Variants in RCOR3 observed in about 807,000 individuals in gnomAD.
The protein encoded by RCOR3 is REST corepressor 3.
RCOR3 carries 13 observed loss-of-function variants against 64.1 expected under a neutral mutation model. The ratio of observed to expected loss-of-function variants is 0.20; its 90% CI spans 0.13 to 0.32. RCOR3 has a LOEUF of 0.32. RCOR3 is among the 10% of genes least tolerant of loss of function. The pLI is 1.00. For synonymous variants in RCOR3, 215 were observed against 239.0 expected (o/e 0.90, Z 0.93); for missense variants, 489 against 701.2 (o/e 0.70, Z 3.42).
chr1:211,280,532 G>A (rs1316295889), intron 7 of RCOR3, among the ~76,000 whole-genome samples: 1 of 152,146 alleles, frequency 6.6e-6, no homozygotes, highest in Non-Finnish European at 1.5e-5. Flanking sequence ...CTCTCTCACA[G>A]TAAGAAGGAT....
chr1:211,276,655 A>G (rs183140701), intron 5 of RCOR3, among the ~76,000 whole-genome samples: 2 of 152,320 alleles, frequency 1.3e-5, no homozygotes, highest in Admixed American at 1.3e-4. Context: ...GTAATAATAT[A>G]CATGTAATAA....
chr1:211,283,239 T>C (rs574398943), intron 7 of RCOR3, among the ~76,000 whole-genome samples: 1 of 152,268 alleles, frequency 6.6e-6, no homozygotes, highest in South Asian at 2.1e-4. Context: ...TTGTTAACAG[T>C]GATTGTGGGG....
chr1:211,289,514 G>A (rs867684710), intron 8 of RCOR3, 118 bp downstream of exon 8: 5 of 777,196 alleles, frequency 6.4e-6, no homozygotes, highest in Middle Eastern at 3.6e-4. Context: ...ACTTATGCAG[G>A]TTTCATTTTT....
At chr1:211,311,408 C>T (rs1345008291) in intron 10 of RCOR3, among the ~76,000 whole-genome samples, 1 of 152,116 alleles carries the variant, frequency 6.6e-6, no homozygotes, top group East Asian at 1.9e-4. Context: ...GTCCAGAATG[C>T]TCTTAAAGGA....
rs370082049 is a variant in RCOR3 at position 211,313,544 on chromosome 1, C to T, written c.1438C>T (p.Leu480=). Residue 480 remains leucine, a synonymous_variant, in exon 12 of 12, where the codon CTG becomes TTG. Coordinates refer to ENST00000419091, the MANE Select transcript of RCOR3 (RefSeq NM_001136223.3). The surrounding 1 kb of genome is among the most constrained non-coding windows in gnomAD (Gnocchi z 4.7). ...NQPPPLLRPT[L]PAAPALHRQP... ...GCCTCCACCACTTCTTCGTCCAACA[C>T]TGCCTGCTGCCCCGGCTCTTCACCG... 3 of 1,614,164 alleles carry T rather than the reference C, an allele frequency of 1.9e-6. No individual in the cohort carries two copies. The highest frequency in any genetic ancestry group is 2.5e-6 in the Non-Finnish European group (3 of 1,180,018).
chr1:211,284,848 A>G (rs1171399858), intron 7 of RCOR3, among the ~76,000 whole-genome samples: 1 of 152,202 alleles, frequency 6.6e-6, no homozygotes, highest in Admixed American at 6.5e-5. Context: ...ACGGAATTGA[A>G]TATCTTTTTC....
intron 3 of RCOR3, among the ~76,000 whole-genome samples, chr1:211,272,548 A>AT (rs1227244955): frequency 7.9e-6 from 1 of 126,876 alleles, no homozygotes; most frequent in African/African-American, 3.0e-5. Context: ...TTAAGTACTT[A>AT]TGTCTAGTCT....
intron 8 of RCOR3, among the ~76,000 whole-genome samples, chr1:211,291,882 G>A (rs1331088070): frequency 6.6e-6 from 1 of 152,146 alleles, no homozygotes; most frequent in African/African-American, 2.4e-5. Flanking sequence ...ACTTTGGGAG[G>A]CCAAGACAGG....
chr1:211,260,323 C>T (rs919971431), intron 2 of RCOR3, among the ~76,000 whole-genome samples, 159 bp downstream of exon 2: 1 of 152,176 alleles, frequency 6.6e-6, no homozygotes, highest in Non-Finnish European at 1.5e-5. Flanking sequence ...CGGGCTGTGA[C>T]ACTGGGCGTG....
intron 6 of RCOR3, 43 bp downstream of exon 6, chr1:211,278,284 G>A (rs1042108260): frequency 1.3e-6 from 2 of 1,590,298 alleles, no homozygotes; most frequent in African/African-American, 1.4e-5. Context: ...TAGGGACACT[G>A]CATTGTATTG....
chr1:211,288,917 C>T (rs1698906610), intron 7 of RCOR3, among the ~76,000 whole-genome samples: 1 of 152,032 alleles, frequency 6.6e-6, no homozygotes. Flanking sequence ...TATTTTTTCA[C>T]TTATTCCTAG....
At chr1:211,271,201 C>T in intron 2 of RCOR3, 31 bp from the exon 3 acceptor site, 1 of 1,576,740 alleles carries the variant, frequency 6.3e-7, no homozygotes, top group Non-Finnish European at 8.7e-7. Flanking sequence ...TAAAATCCAT[C>T]ATATTCAAAG....
rs1259896111 is a variant in RCOR3, at chr1:211,268,379, T to C, written c.224-2853T>C. On this transcript the variant is annotated intron_variant, in intron 2 of 11. Coordinates refer to ENST00000419091, the MANE Select transcript of RCOR3 (RefSeq NM_001136223.3). ...AAGTTTCTTTTCTTTCTTTTTTTTT[T>C]TTTTTTTTTTTTTTTTTGAGATGGA... is the stretch of plus-strand genomic sequence containing the variant. 2.6e-4 allele frequency among the ~76,000 whole-genome samples: 36 copies of C among 137,972 alleles called. 1 individual carries two copies. Among genetic ancestry groups the C allele is most frequent in the South Asian group, 7.3e-4 (3 of 4,106 alleles). The allele number at this position is 137,972 out of a possible 152,430, so 90.5% of individuals were successfully genotyped here. A position where few individuals can be genotyped will look rare whatever the true frequency, so the allele number is the denominator to read the frequency against.
rs140075747 is a variant in RCOR3 at position 211,286,215 on chromosome 1, C to T, written c.721-2963C>T. Among the ~76,000 whole-genome samples, 1,345 of 152,074 alleles carry T rather than the reference C, an allele frequency of 8.8e-3. 11 individuals carry two copies. The highest frequency in any genetic ancestry group is 0.012 in the Non-Finnish European group (820 of 67,986). The stretch of plus-strand genomic sequence containing the variant: ...CAACTTGCTTTTCCTAGTCTTCTTT[C>T]CCTTCATTCGTGTCCTATTTTTGGG... On this transcript the variant is annotated intron_variant, in intron 7 of 11. Transcript: ENST00000419091.
At position 211,259,942 on chromosome 1, in the gene RCOR3, C is replaced by T; in HGVS notation, c.167-166C>T. Reference sequence around the variant, plus strand: ...CGCCTTTGCCCCCCCCCGCTCCCCGCCCCCAATCCGCTGCCATCTCCCGGA... The same window carrying T: ...CGCCTTTGCCCCCCCCCGCTCCCCGTCCCCAATCCGCTGCCATCTCCCGGA... On this transcript the variant is annotated intron_variant, in intron 1 of 11. Coordinates refer to ENST00000419091, the MANE Select transcript of RCOR3 (RefSeq NM_001136223.3). 3.7e-6 allele frequency: 5 copies of T among 1,357,046 alleles called. No homozygotes were observed. In the South Asian group the frequency reaches 8.5e-5, roughly 23 times the overall value. The allele number at this position is 1,357,046 out of a possible 1,614,324, so 84.1% of individuals were successfully genotyped here.
At chr1:211,311,241 T>C (rs1701456814) in intron 10 of RCOR3, among the ~76,000 whole-genome samples, 1 of 152,146 alleles carries the variant, frequency 6.6e-6, no homozygotes, top group Admixed American at 6.5e-5. Context: ...AATTCATTTA[T>C]GCTGATAAAA....
At chr1:211,300,172 G>C (rs966748347) in intron 9 of RCOR3, among the ~76,000 whole-genome samples, 3 of 150,382 alleles carry the variant, frequency 2.0e-5, no homozygotes, top group African/African-American at 7.3e-5. Context: ...CTGGGCTCAG[G>C]TGACTCTCCC....
rs1461756406 is a variant in RCOR3 at position 211,314,688 on chromosome 1, A to G, written c.*920A>G. ...GAGAAGAATTATATTTTGTTAGTTA[A>G]GTAGACACAGTGGTTATGGAAGCAT... On this transcript the variant is annotated 3_prime_UTR_variant, in exon 12 of 12. Coordinates refer to ENST00000419091, the MANE Select transcript of RCOR3 (RefSeq NM_001136223.3). The G allele has an allele frequency of 6.6e-6, 1 of 152,198 alleles. No individual in the cohort carries two copies. Among genetic ancestry groups the G allele is most frequent in the Non-Finnish European group, 1.5e-5 (1 of 68,002 alleles). 9.4% of individuals were successfully genotyped at this position (152,198 alleles called of 1,614,324 possible). A position where few individuals can be genotyped will look rare whatever the true frequency, so the allele number is the denominator to read the frequency against.
At chr1:211,283,411 T>C (rs913690539) in intron 7 of RCOR3, among the ~76,000 whole-genome samples, 3 of 152,238 alleles carry the variant, frequency 2.0e-5, no homozygotes, top group Admixed American at 6.5e-5. Flanking sequence ...CACATTAAAC[T>C]TTCCTAGGTA....
Sources: allele counts gnomAD v4.1 joint callset (sites outside exome capture counted in the v4.1 genomes callset), GRCh38; gene constraint gnomAD v4.1.1; non-coding constraint Gnocchi (gnomAD v3.1); transcripts MANE v1.5; gene names NCBI Gene and HGNC (gene_info 2026-07-23, HGNC 2026-07-21).